Variants in AKAP6 observed in about 807,000 individuals in gnomAD.
The protein encoded by AKAP6 is A-kinase anchoring protein 6.
Under a neutral mutation model 188.5 loss-of-function variants are expected in AKAP6, and 58 were observed. The observed-to-expected ratio is 0.31, with a 90% confidence interval of 0.25 to 0.38. The LOEUF (loss-of-function observed/expected upper bound fraction) is 0.38, where lower values mean the gene tolerates loss of function less well. AKAP6 is among the 10% of genes least tolerant of loss of function. The pLI is 1.00. For missense variants in AKAP6, 2,710 were observed against 2,740.0 expected (o/e 0.99, Z 0.24); for synonymous variants, 989 against 998.6 (o/e 0.99, Z 0.18).
At chr14:32,441,685 C>A (rs577874326) in intron 2 of AKAP6, among the ~76,000 whole-genome samples, 4 of 152,224 alleles carry the variant, frequency 2.6e-5, no homozygotes, top group African/African-American at 9.6e-5. Flanking sequence ...TATACATGAA[C>A]CTTAGCCACA....
chr14:32,366,084 C>T (rs1179841105), intron 1 of AKAP6, among the ~76,000 whole-genome samples: 1 of 152,148 alleles, frequency 6.6e-6, no homozygotes, highest in African/African-American at 2.4e-5. Context: ...CAAAACCACA[C>T]ACATTAAACA....
chr14:32,436,950 A>G lies in AKAP6; in HGVS notation c.324+3133A>G, dbSNP rs572305366. Among the ~76,000 whole-genome samples the G allele has an allele frequency of 9.2e-5, 14 of 152,300 alleles. No individual in the cohort carries two copies. The South Asian group carries it at 2.9e-3, about 32-fold the overall frequency. On this transcript the variant is annotated intron_variant, in intron 2 of 13. Coordinates refer to ENST00000280979, the MANE Select transcript of AKAP6 (RefSeq NM_004274.5). ...CAAAAAACTAAAGTAATAAATATGTAAATGAGGTCATGTCACTTCCTTGCT... is the reference window on the plus strand; with the variant it reads ...CAAAAAACTAAAGTAATAAATATGTGAATGAGGTCATGTCACTTCCTTGCT...
At chr14:32,706,686 C>G (rs1400623215) in intron 9 of AKAP6, among the ~76,000 whole-genome samples, 1 of 152,066 alleles carries the variant, frequency 6.6e-6, no homozygotes, top group African/African-American at 2.4e-5. Flanking sequence ...GAAACTCATA[C>G]ATTCTTAAAC....
intron 2 of AKAP6, among the ~76,000 whole-genome samples, chr14:32,530,700 C>G (rs953563564): frequency 1.3e-5 from 2 of 152,108 alleles, no homozygotes; most frequent in Non-Finnish European, 2.9e-5. Context: ...AGAGCAATCA[C>G]AAGAAGGGTG....
chr14:32,483,807 T>C (rs1879505388), intron 2 of AKAP6, among the ~76,000 whole-genome samples: 1 of 152,052 alleles, frequency 6.6e-6, no homozygotes, highest in South Asian at 2.1e-4. Context: ...TACTTTAAGT[T>C]CTGGGATACA....
chr14:32,831,662 ATTTG>A lies in AKAP6; in HGVS notation c.*1860_*1863del. 6.6e-6 allele frequency: 1 copy of A among 152,380 alleles called. No homozygotes were observed. The highest frequency in any genetic ancestry group is 2.1e-4 in the South Asian group (1 of 4,828). The allele number at this position is 152,380 out of a possible 1,614,324, so 9.4% of individuals were successfully genotyped here. The stretch of plus-strand genomic sequence containing the variant: ...AGTGAACACGCAAATGACATGAAGT[ATTTG>A]TTGCAGAGCTGAGGAACAGAGCAAA... On this transcript the variant is annotated 3_prime_UTR_variant, in exon 14 of 14. Transcript: ENST00000280979.
At chr14:32,543,060 AT>A (rs1308705769) in intron 3 of AKAP6, among the ~76,000 whole-genome samples, 1 of 152,224 alleles carries the variant, frequency 6.6e-6, no homozygotes, top group African/African-American at 2.4e-5. Context: ...AACATTCAAA[AT>A]CCACTCTTCT....
chr14:32,686,794 GA>G (rs1868637947), intron 8 of AKAP6, among the ~76,000 whole-genome samples: 1 of 152,130 alleles, frequency 6.6e-6, no homozygotes, highest in Admixed American at 6.5e-5. Flanking sequence ...AGGATTCCAA[GA>G]GAGTTTTTAG....
chr14:32,567,850 A>G (rs1200312558), intron 4 of AKAP6, among the ~76,000 whole-genome samples: 1 of 152,170 alleles, frequency 6.6e-6, no homozygotes. Flanking sequence ...ATGTCCAGAA[A>G]TGTTTATTTA....
At chr14:32,610,743 T>C (rs11847094) in intron 7 of AKAP6, among the ~76,000 whole-genome samples, 1 of 152,048 alleles carries the variant, frequency 6.6e-6, no homozygotes, top group Non-Finnish European at 1.5e-5. Context: ...TGGTCAAAAG[T>C]ATGGAAAAGG....
chr14:32,505,103 A>G (rs920274019), intron 2 of AKAP6, among the ~76,000 whole-genome samples: 7 of 152,216 alleles, frequency 4.6e-5, no homozygotes, highest in Middle Eastern at 3.2e-3. Context: ...GAAGAGTACA[A>G]TCTACTATAA....
At chr14:32,793,740 C>T (rs2103783) in intron 12 of AKAP6, among the ~76,000 whole-genome samples, 1 of 151,914 alleles carries the variant, frequency 6.6e-6, no homozygotes, top group Non-Finnish European at 1.5e-5. Flanking sequence ...AAACCATCAA[C>T]GATTAAAAAA....
At chr14:32,482,335 C>T (rs1475083588) in intron 2 of AKAP6, among the ~76,000 whole-genome samples, 1 of 152,112 alleles carries the variant, frequency 6.6e-6, no homozygotes, top group Non-Finnish European at 1.5e-5. Context: ...TTTGTTTAGC[C>T]ATTCTCTAAA....
intron 11 of AKAP6, among the ~76,000 whole-genome samples, chr14:32,759,515 A>G (rs1480338570): frequency 1.3e-5 from 2 of 152,212 alleles, no homozygotes; most frequent in African/African-American, 4.8e-5. Flanking sequence ...CTGTTTAGTC[A>G]TGCTGTATGA....
rs2031217561 is a variant in AKAP6 at position 32,737,635 on chromosome 14, A to G, written c.3372+1753A>G. ...TGCTCTGCCTCTCGTGGGTTCCTAA[A>G]GGTCTCCTGCCATGACTGGTCACAC... On this transcript the variant is annotated intron_variant, in intron 11 of 13. Transcript: ENST00000280979. 2.6e-5 allele frequency among the ~76,000 whole-genome samples: 4 copies of G among 152,270 alleles called. No homozygotes were observed. The South Asian group carries it at 8.3e-4, about 32-fold the overall frequency.
intron 7 of AKAP6, among the ~76,000 whole-genome samples, chr14:32,647,624 G>A (rs1888037866): frequency 6.6e-6 from 1 of 152,022 alleles, no homozygotes; most frequent in Admixed American, 6.6e-5. Flanking sequence ...ACAGGATAAA[G>A]GGGCATCAAT....
intron 1 of AKAP6, among the ~76,000 whole-genome samples, chr14:32,406,524 A>G (rs574908099): frequency 2.0e-4 from 30 of 152,246 alleles, no homozygotes; most frequent in African/African-American, 7.0e-4. Context: ...ATGTTTTTAT[A>G]AAGAAAATTT....
intron 10 of AKAP6, chr14:32,734,598 C>A (rs989002490): frequency 1.3e-5 from 2 of 152,058 alleles, no homozygotes; most frequent in African/African-American, 4.8e-5. Context: ...GCAATAAATT[C>A]TTTTTTGTGA....
In AKAP6 at chr14:32,823,609, T is replaced by C. The variant is rs1566738905; in HGVS notation, c.5796T>C (p.His1932=). Residue 1932 remains histidine, a synonymous_variant, in exon 13 of 14, where the codon CAT becomes CAC. Transcript: ENST00000280979. ...GGAAAGAGATTTCAGAGAGTGAGCATTGTAAGTGTAAAGCACTTATGGATA... is the reference window on the plus strand; with the variant it reads ...GGAAAGAGATTTCAGAGAGTGAGCACTGTAAGTGTAAAGCACTTATGGATA... ...SHGKEISESE[H]CKCKALMDSL... 1.2e-6 allele frequency: 2 copies of C among 1,613,706 alleles called. No homozygotes were observed. The highest frequency in any genetic ancestry group is 1.7e-5 in the Admixed American group (1 of 59,912).
Sources: allele counts gnomAD v4.1 joint callset (sites outside exome capture counted in the v4.1 genomes callset), GRCh38; gene constraint gnomAD v4.1.1; transcripts MANE v1.5; gene names NCBI Gene and HGNC (gene_info 2026-07-23, HGNC 2026-07-21).